DAB1: variants seen among roughly 807,000 people sequenced by gnomAD.
The protein encoded by DAB1 is disabled homolog 1.
DAB1 carries 15 observed loss-of-function variants against 64.6 expected under a neutral mutation model. That is an observed-to-expected ratio of 0.23 (90% confidence interval 0.16 to 0.36). The LOEUF (loss-of-function observed/expected upper bound fraction) is 0.36, where lower values mean the gene tolerates loss of function less well. Among genes scored for constraint, DAB1 ranks in the 10% least tolerant of loss-of-function variants. DAB1 has a pLI of 1.00. For missense variants in DAB1, 596 were observed against 706.7 expected (o/e 0.84, Z 1.78); for synonymous variants, 235 against 251.9 (o/e 0.93, Z 0.64).
intron 1 of DAB1, among the ~76,000 whole-genome samples, chr1:58,541,952 G>A (rs75978172): frequency 0.018 from 2,812 of 152,052 alleles, 57 homozygotes; most frequent in East Asian, 0.12. Context: ...ATAAAAGTTG[G>A]GGAAAAAAAT....
chr1:58,381,293 C>G (rs1053784318), intron 3 of DAB1, among the ~76,000 whole-genome samples: 6 of 151,594 alleles, frequency 4.0e-5, no homozygotes, highest in African/African-American at 1.5e-4. Context: ...CATGTATCCC[C>G]GAACTTAAAA....
chr1:58,317,034 A>T (rs1662573469), intron 4 of DAB1, among the ~76,000 whole-genome samples: 1 of 152,226 alleles, frequency 6.6e-6, no homozygotes, highest in Non-Finnish European at 1.5e-5. Context: ...ACTATTGAAA[A>T]TTCTTCTGTG....
chr1:57,069,299 CA>C (rs1308177662), intron 8 of DAB1, 60 bp downstream of exon 8: 122 of 1,306,886 alleles, frequency 9.3e-5, no homozygotes, highest in Non-Finnish European at 1.3e-4. Flanking sequence ...TTTAGACTAT[CA>C]GTACATTTAT....
At chr1:58,035,961 C>T (rs1647038777) in intron 5 of DAB1, among the ~76,000 whole-genome samples, 1 of 152,180 alleles carries the variant, frequency 6.6e-6, no homozygotes, top group African/African-American at 2.4e-5. Flanking sequence ...GGAAGATGCA[C>T]ATCCGTGTAC....
At chr1:57,071,281 G>C (rs374977164) in intron 6 of DAB1, 1 of 646,904 alleles carries the variant, frequency 1.5e-6, no homozygotes. Flanking sequence ...GTGTTTCTTG[G>C]GTCCTCCACC....
intron 5 of DAB1, among the ~76,000 whole-genome samples, chr1:58,017,675 C>G (rs1253322538): frequency 6.6e-6 from 1 of 152,124 alleles, no homozygotes; most frequent in Non-Finnish European, 1.5e-5. Flanking sequence ...CTACCCACTT[C>G]CTAGGGCTAC....
rs12043154 is a variant in DAB1, at chr1:58,205,106, T to C, written n.310-54518A>G. On this transcript the variant is annotated intron_variant and non_coding_transcript_variant, in intron 4 of 20. Transcript: ENST00000485760. Reference sequence around the variant, plus strand: ...AGGTCACACAGCAAGTAGGATTACATAGGAGCCTGCCGGGCCCCAATCCCA... The same window carrying C: ...AGGTCACACAGCAAGTAGGATTACACAGGAGCCTGCCGGGCCCCAATCCCA... Among the ~76,000 whole-genome samples, 1,073 of 152,270 alleles carry C rather than the reference T, an allele frequency of 7.0e-3. 47 individuals are homozygous for C. In the South Asian group the frequency reaches 0.1, roughly 14 times the overall value.
At chr1:57,252,107 A>C (rs1029938550) in intron 2 of DAB1, among the ~76,000 whole-genome samples, 1 of 152,232 alleles carries the variant, frequency 6.6e-6, no homozygotes, top group African/African-American at 2.4e-5. Context: ...TATAACTTAA[A>C]AGAGTAGATT....
chr1:57,246,097 T>A (rs1668851294), intron 2 of DAB1, among the ~76,000 whole-genome samples: 1 of 152,168 alleles, frequency 6.6e-6, no homozygotes, highest in African/African-American at 2.4e-5. Context: ...GAAATTCAAG[T>A]GAGCTGCAGA....
At chr1:57,346,508 T>C (rs1041055505) in intron 1 of DAB1, among the ~76,000 whole-genome samples, 4 of 152,240 alleles carry the variant, frequency 2.6e-5, no homozygotes, top group Admixed American at 2.6e-4. Context: ...CTTCTACTTA[T>C]ATTTTACTTT....
chr1:57,793,885 T>C (rs1018148059), intron 6 of DAB1, among the ~76,000 whole-genome samples: 1 of 152,200 alleles, frequency 6.6e-6, no homozygotes, highest in Non-Finnish European at 1.5e-5. Flanking sequence ...GTCTCATGAC[T>C]AGCAGCCCAT....
chr1:57,843,564 G>C (rs910352738), intron 1 of DAB1, among the ~76,000 whole-genome samples: 3 of 152,076 alleles, frequency 2.0e-5, no homozygotes, highest in African/African-American at 7.2e-5. Flanking sequence ...TCTATTCTTA[G>C]ACATCAGCCA....
chr1:57,353,450 A>T (rs1678785188), intron 1 of DAB1, among the ~76,000 whole-genome samples: 1 of 152,126 alleles, frequency 6.6e-6, no homozygotes, highest in Non-Finnish European at 1.5e-5. Context: ...CTTTTGTACA[A>T]CATCAAGTAC....
chr1:58,487,902 G>T (rs1043983100), intron 3 of DAB1, among the ~76,000 whole-genome samples: 8 of 151,182 alleles, frequency 5.3e-5, no homozygotes, highest in Non-Finnish European at 1.2e-4. Context: ...GCATGTTACC[G>T]TACCTCTTCT....
At chr1:58,109,685 AG>A (rs1651864638) in intron 5 of DAB1, among the ~76,000 whole-genome samples, 1 of 151,992 alleles carries the variant, frequency 6.6e-6, no homozygotes, top group African/African-American at 2.4e-5. Flanking sequence ...GCTGATGGCA[AG>A]GAAGGATGAG....
At chr1:58,371,959 C>A (rs777309262) in intron 3 of DAB1, among the ~76,000 whole-genome samples, 7 of 152,190 alleles carry the variant, frequency 4.6e-5, no homozygotes, top group Non-Finnish European at 8.8e-5. Flanking sequence ...AGGGGCAGAG[C>A]CCTCATAGAG....
intron 1 of DAB1, among the ~76,000 whole-genome samples, chr1:58,544,977 C>T (rs1557462532): frequency 6.6e-6 from 1 of 152,146 alleles, no homozygotes. Context: ...CTGGGCTCAA[C>T]TGATCATACT....
intron 6 of DAB1, among the ~76,000 whole-genome samples, chr1:57,787,524 C>A (rs1474303837): frequency 6.6e-6 from 1 of 151,846 alleles, no homozygotes; most frequent in African/African-American, 2.4e-5. Context: ...TAAAAGAGAT[C>A]ACAGACATAA....
intron 5 of DAB1, among the ~76,000 whole-genome samples, chr1:57,977,951 G>GAT (rs1645962141): frequency 6.6e-6 from 1 of 152,174 alleles, no homozygotes; most frequent in African/African-American, 2.4e-5. Context: ...CATACTCATG[G>GAT]ATAGGAAGAA....
Sources: allele counts gnomAD v4.1 joint callset (sites outside exome capture counted in the v4.1 genomes callset), GRCh38; gene constraint gnomAD v4.1.1; transcripts MANE v1.5; gene names NCBI Gene and HGNC (gene_info 2026-07-23, HGNC 2026-07-21).